Variants in ANKS1B observed in about 807,000 individuals in gnomAD.
The protein encoded by ANKS1B is ankyrin repeat and sterile alpha motif domain containing 1B.
Under a neutral mutation model 148.3 loss-of-function variants are expected in ANKS1B, and 36 were observed. That is an observed-to-expected ratio of 0.24 (90% confidence interval 0.19 to 0.32). The LOEUF (loss-of-function observed/expected upper bound fraction) is 0.32, where lower values mean the gene tolerates loss of function less well. Ranked by LOEUF, ANKS1B falls within the 10% of genes least tolerant of loss-of-function variation. The pLI, the probability that ANKS1B is intolerant of heterozygous loss-of-function variation, is 1.00. For missense variants in ANKS1B, 1,157 were observed against 1,542.6 expected, an observed-to-expected ratio of 0.75 and a Z score of 4.19; for synonymous variants, 542 against 560.8, an observed-to-expected ratio of 0.97 and a Z score of 0.47.
Position 98,744,946 on chromosome 12 carries a change from C to T in ANKS1B, c.*793G>A. 1.0e-6 allele frequency: 1 copy of T among 985,800 alleles called. No homozygotes were observed. The highest frequency in any genetic ancestry group is 1.2e-6 in the Non-Finnish European group (1 of 829,926). 61.1% of individuals were successfully genotyped at this position (985,800 alleles called of 1,614,324 possible). ...ACTGAGCCAGTCCTCTTGGTAGTAG[C>T]AGTAGAAATTTAATTATTTGAAATG... On this transcript the variant is annotated 3_prime_UTR_variant, in exon 27 of 27. Coordinates refer to ENST00000683438, the MANE Select transcript of ANKS1B (RefSeq NM_001352186.2).
At chr12:99,827,529 T>C (rs2083356802) in intron 1 of ANKS1B, among the ~76,000 whole-genome samples, 1 of 152,206 alleles carries the variant, frequency 6.6e-6, no homozygotes, top group African/African-American at 2.4e-5. Flanking sequence ...GAGTAGATTT[T>C]AGCTGCTCTT....
At chr12:99,559,889 A>G (rs2097314815) in intron 9 of ANKS1B, among the ~76,000 whole-genome samples, 1 of 152,204 alleles carries the variant, frequency 6.6e-6, no homozygotes. Context: ...AATGCATAAG[A>G]AAAAAATTTC....
At chr12:99,797,282 C>T (rs1004174379) in intron 4 of ANKS1B, among the ~76,000 whole-genome samples, 12 of 151,828 alleles carry the variant, frequency 7.9e-5, no homozygotes, top group Non-Finnish European at 1.3e-4. Flanking sequence ...AGACAGAGTC[C>T]GTGTCTAATT....
At chr12:98,743,556 T>C (rs1435578398), downstream of ANKS1B, among the ~76,000 whole-genome samples, 1 of 152,194 alleles carries the variant, frequency 6.6e-6, no homozygotes, top group Admixed American at 6.5e-5. Flanking sequence ...CCTGCAGGCC[T>C]AGCCCTTCCT....
intron 17 of ANKS1B, among the ~76,000 whole-genome samples, chr12:98,947,231 G>A (rs1187361161): frequency 6.6e-6 from 1 of 152,138 alleles, no homozygotes; most frequent in Non-Finnish European, 1.5e-5. Flanking sequence ...TTTGAGTAGA[G>A]TGAAAAAGAT....
chr12:99,550,008 G>A (rs181365991), intron 9 of ANKS1B, among the ~76,000 whole-genome samples: 4 of 152,316 alleles, frequency 2.6e-5, no homozygotes, highest in East Asian at 1.9e-4. Flanking sequence ...GGGCTCCAGC[G>A]CTAGCTGGTA....
At chr12:99,043,825 A>G (rs776981606) in intron 17 of ANKS1B, among the ~76,000 whole-genome samples, 17 of 152,342 alleles carry the variant, frequency 1.1e-4, no homozygotes, top group Non-Finnish European at 2.2e-4. Flanking sequence ...CACCTACCTC[A>G]GTGATAGTGT....
At chr12:99,305,072 G>A (rs2082166351) in intron 12 of ANKS1B, among the ~76,000 whole-genome samples, 1 of 152,040 alleles carries the variant, frequency 6.6e-6, no homozygotes, top group Non-Finnish European at 1.5e-5. Context: ...GGCGGTGGGG[G>A]GCAGGTGTAT....
intron 1 of ANKS1B, among the ~76,000 whole-genome samples, chr12:99,967,187 T>C (rs2095494561): frequency 6.6e-6 from 1 of 152,242 alleles, no homozygotes; most frequent in Non-Finnish European, 1.5e-5. Context: ...TGCATAGATA[T>C]TAATGCTTAG....
intron 10 of ANKS1B, among the ~76,000 whole-genome samples, chr12:99,447,221 G>C (rs1343197741): frequency 6.6e-6 from 1 of 151,978 alleles, no homozygotes. Flanking sequence ...ATGGGGAAAG[G>C]GCAGCCTCTT....
intron 26 of ANKS1B, among the ~76,000 whole-genome samples, chr12:98,746,133 C>G (rs1001784684): frequency 6.6e-6 from 1 of 152,100 alleles, no homozygotes; most frequent in East Asian, 1.9e-4. Context: ...AGGTGAGATA[C>G]GAGGGGAAGA....
Position 99,984,294 on chromosome 12 carries a change from C to G in ANKS1B, c.-57G>C, listed in dbSNP as rs2095750963. On this transcript the variant is annotated 5_prime_UTR_variant, in exon 1 of 27. Transcript: ENST00000683438. Reference sequence around the variant, plus strand: ...GCCCCCCTCGGGTCCTCCTCCCCACCCACCCCCACTCCCCAAAATCCAGGG... The same window carrying G: ...GCCCCCCTCGGGTCCTCCTCCCCACGCACCCCCACTCCCCAAAATCCAGGG... 25 of 1,506,862 alleles carry G rather than the reference C, an allele frequency of 1.7e-5. No individual in the cohort carries two copies. Among genetic ancestry groups the G allele is most frequent in the Non-Finnish European group, 2.2e-5 (25 of 1,117,510 alleles). 93.3% of individuals were successfully genotyped at this position (1,506,862 alleles called of 1,614,324 possible).
rs758194042 is a variant in ANKS1B at position 98,863,858 on chromosome 12, G to A, written c.2779-31722C>T. ...CAGTCATCTTGGTAGAAAGTTGACC[G>A]TGATGTCGATGATATAACTGGGTCA... On this transcript the variant is annotated intron_variant, in intron 17 of 26. Transcript: ENST00000683438. Among the ~76,000 whole-genome samples, 12 of 152,300 alleles carry A rather than the reference G, an allele frequency of 7.9e-5. 1 individual carries two copies. The South Asian group carries it at 8.3e-4, about 11-fold the overall frequency.
At chr12:99,683,117 G>C (rs2098630826) in intron 8 of ANKS1B, among the ~76,000 whole-genome samples, 1 of 152,080 alleles carries the variant, frequency 6.6e-6, no homozygotes, top group Non-Finnish European at 1.5e-5. Flanking sequence ...AACAGTATGA[G>C]AGAAACTGCC....
At chr12:98,832,604 C>T (rs1188040852) in intron 17 of ANKS1B, among the ~76,000 whole-genome samples, 1 of 152,144 alleles carries the variant, frequency 6.6e-6, no homozygotes, top group African/African-American at 2.4e-5. Context: ...GCTCAACCAC[C>T]TGCCTGGAAT....
intron 17 of ANKS1B, among the ~76,000 whole-genome samples, chr12:98,948,655 C>T (rs1466973997): frequency 6.6e-6 from 1 of 152,012 alleles, no homozygotes; most frequent in Non-Finnish European, 1.5e-5. Context: ...CCAGATACTG[C>T]TAGGTGCTTT....
At chr12:99,485,157 C>T (rs2096471413) in intron 10 of ANKS1B, among the ~76,000 whole-genome samples, 1 of 151,784 alleles carries the variant, frequency 6.6e-6, no homozygotes, top group South Asian at 2.1e-4. Context: ...ACATATTGGG[C>T]TTTTCTTCAA....
chr12:99,391,666 T>C (rs779716175), intron 12 of ANKS1B, among the ~76,000 whole-genome samples: 1 of 152,240 alleles, frequency 6.6e-6, no homozygotes, highest in Non-Finnish European at 1.5e-5. Flanking sequence ...GCAAGTCCCA[T>C]GCACTAGCTA....
At chr12:99,754,988 T>C (rs1420320563) in intron 8 of ANKS1B, among the ~76,000 whole-genome samples, 1 of 150,868 alleles carries the variant, frequency 6.6e-6, no homozygotes, top group East Asian at 1.9e-4. Flanking sequence ...GTACAAAACA[T>C]AACCAAAATC....
Sources: allele counts gnomAD v4.1 joint callset (sites outside exome capture counted in the v4.1 genomes callset), GRCh38; gene constraint gnomAD v4.1.1; transcripts MANE v1.5; gene names NCBI Gene and HGNC (gene_info 2026-07-23, HGNC 2026-07-21).